TMEM132C: variants seen among roughly 807,000 people sequenced by gnomAD.
TMEM132C encodes transmembrane protein 132C.
TMEM132C carries 29 observed loss-of-function variants against 61.4 expected under a neutral mutation model. That is an observed-to-expected ratio of 0.47 (90% CI 0.35 to 0.64). TMEM132C has a LOEUF of 0.64. Ranked by LOEUF, TMEM132C falls within the 30% of genes least tolerant of loss-of-function variation. The pLI, the probability that TMEM132C is intolerant of heterozygous loss-of-function variation, is 0.00. For synonymous variants in TMEM132C, 656 were observed against 633.1 expected (o/e 1.04, Z -0.54); for missense variants, 1,408 against 1,476.9 (o/e 0.95, Z 0.76).
intron 7 of TMEM132C, among the ~76,000 whole-genome samples, chr12:128,696,599 A>G (rs1303971134): frequency 1.3e-5 from 2 of 152,234 alleles, no homozygotes; most frequent in African/African-American, 4.8e-5. Context: ...GGAAGTGTAT[A>G]GAATGGTAAA....
chr12:128,642,272 C>T (rs1259485020), intron 4 of TMEM132C, among the ~76,000 whole-genome samples: 3 of 152,082 alleles, frequency 2.0e-5, no homozygotes, highest in African/African-American at 7.2e-5. Flanking sequence ...GCTGGGACTA[C>T]AGGTGTGTGC....
At chr12:128,470,395 C>A (rs555552217) in intron 2 of TMEM132C, among the ~76,000 whole-genome samples, 1 of 152,162 alleles carries the variant, frequency 6.6e-6, no homozygotes, top group African/African-American at 2.4e-5. Context: ...TTCTGTCGCT[C>A]AGGCAGTGGC....
intron 1 of TMEM132C, among the ~76,000 whole-genome samples, chr12:128,365,239 G>A (rs1035370666): frequency 2.0e-5 from 3 of 152,212 alleles, no homozygotes; most frequent in Admixed American, 6.5e-5. Context: ...CCTTTGCCCC[G>A]ACTGCAAAAT....
rs1258633960 is a variant in TMEM132C at position 128,415,781 on chromosome 12, C to T, written c.974+161C>T. Among the ~76,000 whole-genome samples the T allele has an allele frequency of 6.6e-6, 1 of 152,146 alleles. No individual in the cohort carries two copies. Among genetic ancestry groups the T allele is most frequent in the African/African-American group, 2.4e-5 (1 of 41,450 alleles). ...CAAATTATGCACCTGCCCACATGCT[C>T]TCAACAGCCCTCCTTACACCGTGGG... On this transcript the variant is annotated intron_variant, in intron 2 of 8. Coordinates refer to ENST00000435159, the MANE Select transcript of TMEM132C (RefSeq NM_001136103.3). This position sits in a 1 kb window ranked among gnomAD's most constrained non-coding sequence, Gnocchi z 5.8.
chr12:128,360,115 G>A (rs1873650422), intron 1 of TMEM132C, among the ~76,000 whole-genome samples: 1 of 152,218 alleles, frequency 6.6e-6, no homozygotes, highest in African/African-American at 2.4e-5. Flanking sequence ...GCACCAGACA[G>A]GCAACAATAA....
At chr12:128,392,444 G>A (rs1034010626) in intron 1 of TMEM132C, among the ~76,000 whole-genome samples, 2 of 152,120 alleles carry the variant, frequency 1.3e-5, no homozygotes, top group African/African-American at 4.8e-5. Flanking sequence ...AGCACAGTGT[G>A]GTTTGAAAGA....
intron 1 of TMEM132C, among the ~76,000 whole-genome samples, chr12:128,388,386 G>A (rs865818568): frequency 6.6e-6 from 1 of 152,258 alleles, no homozygotes; most frequent in East Asian, 1.9e-4. Flanking sequence ...CAGTTTTTAT[G>A]TGCTGTCTCT....
chr12:128,292,577 A>C (rs1871275987), intron 1 of TMEM132C, among the ~76,000 whole-genome samples: 1 of 152,110 alleles, frequency 6.6e-6, no homozygotes, highest in African/African-American at 2.4e-5. Context: ...CTTAGTACCT[A>C]GGTACCCTAG....
chr12:128,437,290 T>C (rs1869632421), intron 2 of TMEM132C, among the ~76,000 whole-genome samples: 1 of 151,998 alleles, frequency 6.6e-6, no homozygotes, highest in African/African-American at 2.4e-5. Flanking sequence ...GAACTTAAAG[T>C]TTAATAAAAT....
intron 1 of TMEM132C, among the ~76,000 whole-genome samples, chr12:128,372,683 G>T (rs77443126): frequency 0.023 from 3,573 of 152,122 alleles, 143 homozygotes; most frequent in African/African-American, 0.081. Context: ...GAAAAATGAG[G>T]CCAAGGGGAA....
chr12:128,636,267 G>A (rs965154295), intron 4 of TMEM132C, among the ~76,000 whole-genome samples: 1 of 152,082 alleles, frequency 6.6e-6, no homozygotes, highest in African/African-American at 2.4e-5. Flanking sequence ...TGCCCAGGCT[G>A]GTCTCAAATT....
At chr12:128,280,991 T>C (rs1041779898) in intron 1 of TMEM132C, among the ~76,000 whole-genome samples, 2 of 152,132 alleles carry the variant, frequency 1.3e-5, no homozygotes, top group Non-Finnish European at 2.9e-5. Flanking sequence ...AAAAGAACGA[T>C]ACATATTCCT....
chr12:128,628,869 G>A (rs1055109167), intron 4 of TMEM132C, among the ~76,000 whole-genome samples: 1 of 152,188 alleles, frequency 6.6e-6, no homozygotes, highest in Admixed American at 6.5e-5. Flanking sequence ...CTTATTGTTT[G>A]GTATATGATT....
At chr12:128,521,865 A>T (rs921714062) in intron 2 of TMEM132C, among the ~76,000 whole-genome samples, 22 of 152,198 alleles carry the variant, frequency 1.4e-4, no homozygotes, top group Admixed American at 2.6e-4. Context: ...TGTATGTAAA[A>T]ATCCCTATCA....
chr12:128,605,920 TCA>T (rs1876408544), intron 3 of TMEM132C, among the ~76,000 whole-genome samples: 1 of 152,194 alleles, frequency 6.6e-6, no homozygotes, highest in African/African-American at 2.4e-5. Flanking sequence ...TCTCTGAGAA[TCA>T]CTTTGAAAGA....
intron 2 of TMEM132C, among the ~76,000 whole-genome samples, chr12:128,433,695 C>T (rs1015987983): frequency 1.3e-5 from 2 of 152,076 alleles, no homozygotes; most frequent in African/African-American, 4.8e-5. Flanking sequence ...TCTGAGAAAC[C>T]CCCTGGGAAA....
At chr12:128,704,362 G>T (rs1202649162) in intron 8 of TMEM132C, among the ~76,000 whole-genome samples, 3 of 152,180 alleles carry the variant, frequency 2.0e-5, no homozygotes, top group Middle Eastern at 3.4e-3. Context: ...CTGGCCCTTT[G>T]CTTCCTCTTT....
chr12:128,312,333 G>A lies in TMEM132C; in HGVS notation c.85+44846G>A, dbSNP rs145391302. 6.4e-3 allele frequency among the ~76,000 whole-genome samples: 975 copies of A among 152,222 alleles called. 8 individuals are homozygous for A. The highest frequency in any genetic ancestry group is 0.022 in the African/African-American group (907 of 41,546). Reference sequence around the variant, plus strand: ...TTTGTTTGTTCGTTTTTTGAGACAAGGTCTTGCTCTGTTGCCCAGGCTGGA... The same window carrying A: ...TTTGTTTGTTCGTTTTTTGAGACAAAGTCTTGCTCTGTTGCCCAGGCTGGA... On this transcript the variant is annotated intron_variant, in intron 1 of 8. Transcript: ENST00000435159.
At position 128,473,349 on chromosome 12, in the gene TMEM132C, C is replaced by CATCTGCATGCCAGCCTCCTTCTTT. The variant is rs1871031286; in HGVS notation, c.974+57733_974+57734insGCATGCCAGCCTCCTTCTTTATCT. 4.3e-5 allele frequency among the ~76,000 whole-genome samples: 3 copies of CATCTGCATGCCAGCCTCCTTCTTT among 69,780 alleles called. 1 individual carries two copies. Among genetic ancestry groups the CATCTGCATGCCAGCCTCCTTCTTT allele is most frequent in the African/African-American group, 1.7e-4 (3 of 18,152 alleles). 45.8% of individuals were successfully genotyped at this position (69,780 alleles called of 152,430 possible). On this transcript the variant is annotated intron_variant, in intron 2 of 8. Transcript: ENST00000435159. ...TCATCTTCAGTCCAGCCTCCTTCTTCATCTTCACTCCAGCCTCTATCTTCA... is the reference window on the plus strand; with the variant it reads ...TCATCTTCAGTCCAGCCTCCTTCTTCATCTGCATGCCAGCCTCCTTCTTTATCTTCACTCCAGCCTCTATCTTCA...
Sources: allele counts gnomAD v4.1 joint callset (sites outside exome capture counted in the v4.1 genomes callset), GRCh38; gene constraint gnomAD v4.1.1; non-coding constraint Gnocchi (gnomAD v3.1); transcripts MANE v1.5; gene names NCBI Gene and HGNC (gene_info 2026-07-23, HGNC 2026-07-21).